Variants in KRT86 observed in about 807,000 individuals in gnomAD.
KRT86 encodes keratin, type II cuticular Hb6.
In KRT86, 30 loss-of-function variants were observed where a neutral mutation model predicts 41.2. That is an observed-to-expected ratio of 0.73 (90% CI 0.54 to 0.99). KRT86 has a LOEUF of 0.99. Ranked by LOEUF, KRT86 falls within the 50% of genes least tolerant of loss-of-function variation. The probability of loss-of-function intolerance (pLI) is 0.00; values close to 1 mark genes in which losing one functional copy is unlikely to be tolerated. For synonymous variants in KRT86, 238 were observed against 238.1 expected (o/e 1.00, Z 0.00); for missense variants, 561 against 571.4 (o/e 0.98, Z 0.19).
chr12:52,280,063 TG>T (rs1937737028), intron 2 of KRT86, among the ~76,000 whole-genome samples: 3 of 152,098 alleles, frequency 2.0e-5, no homozygotes, highest in Admixed American at 1.3e-4. Context: ...CCCTTGCAGA[TG>T]GGGGCTGGAG....
intron 5 of KRT86, among the ~76,000 whole-genome samples, chr12:52,304,729 G>A (rs376704495): frequency 3.3e-5 from 5 of 151,936 alleles, no homozygotes; most frequent in South Asian, 2.1e-4. Flanking sequence ...CTGGTGAGCC[G>A]TGCCCAAGAC....
intron 2 of KRT86, among the ~76,000 whole-genome samples, chr12:52,295,739 T>C (rs559475725): frequency 3.9e-5 from 6 of 152,340 alleles, no homozygotes; most frequent in South Asian, 4.1e-4. Flanking sequence ...TGTCACATAG[T>C]AGGTGCTCAA....
chr12:52,286,501 C>T (rs572305707), intron 2 of KRT86: 66 of 1,551,834 alleles, frequency 4.3e-5, no homozygotes, highest in Non-Finnish European at 5.4e-5. Flanking sequence ...CACCTGTGAA[C>T]CCCGAAGGCT....
intron 2 of KRT86, among the ~76,000 whole-genome samples, chr12:52,292,543 A>T (rs893046263): frequency 6.6e-6 from 1 of 152,264 alleles, no homozygotes; most frequent in Non-Finnish European, 1.5e-5. Context: ...TTAAGTTAGT[A>T]AAAACTAAAT....
In KRT86 at chr12:52,302,023, C is replaced by T; in HGVS notation, c.107C>T (p.Ser36Phe). 1.2e-6 allele frequency: 2 copies of T among 1,611,346 alleles called. No homozygotes were observed. Among genetic ancestry groups the T allele is most frequent in the South Asian group, 2.2e-5 (2 of 90,960 alleles). Residue 36 changes from serine to phenylalanine, a missense_variant, in exon 3 of 11, where the codon TCC becomes TTC. By Grantham distance (155) the Ser-to-Phe change is radical. This residue lies in a region of KRT86 where 164 missense variants were observed against 172.5 expected (regional missense o/e 0.95). Coordinates refer to ENST00000423955, the MANE Select transcript of KRT86 (RefSeq NM_001320198.2). ...ACCGCCGCCCCCTACCGTGGCATCT[C>T]CTGCTACCGCGGCCTCACCGGGGGC... Reference protein sequence around the residue: ...CITAAPYRGISCYRGLTGGFG... With the variant: ...CITAAPYRGIFCYRGLTGGFG...
At chr12:52,281,107 G>C (rs1428904422) in intron 2 of KRT86, among the ~76,000 whole-genome samples, 1 of 152,194 alleles carries the variant, frequency 6.6e-6, no homozygotes, top group African/African-American at 2.4e-5. Context: ...GGCTCCCCTG[G>C]CCATGGGCCA....
At chr12:52,295,709 G>A (rs574295747) in intron 2 of KRT86, among the ~76,000 whole-genome samples, 10 of 152,284 alleles carry the variant, frequency 6.6e-5, no homozygotes, top group South Asian at 4.2e-4. Flanking sequence ...TGTTTTCTTC[G>A]TGGATATATT....
intron 7 of KRT86, 35 bp downstream of exon 7, chr12:52,305,439 G>T (rs1938487207): frequency 3.7e-6 from 6 of 1,614,158 alleles, no homozygotes; most frequent in Non-Finnish European, 4.2e-6. Context: ...GCTAGACATG[G>T]CAGTGGGAGG....
At chr12:52,286,470 C>A (rs768915549) in intron 2 of KRT86, 2 of 1,552,420 alleles carry the variant, frequency 1.3e-6, no homozygotes, top group Non-Finnish European at 8.7e-7. Flanking sequence ...CCGCACACGA[C>A]CCCGCCCCGG....
intron 7 of KRT86, 113 bp downstream of exon 7, chr12:52,305,517 G>T: frequency 6.3e-7 from 1 of 1,599,324 alleles, no homozygotes; most frequent in Admixed American, 1.7e-5. Context: ...AGAGATGGCT[G>T]CCACTCTGAT....
At chr12:52,288,464 G>A (rs767675428) in intron 2 of KRT86, 1 of 1,614,066 alleles carries the variant, frequency 6.2e-7, no homozygotes, top group Admixed American at 1.7e-5. Context: ...ATCCTGGAAA[G>A]GTGGGGAGTG....
Position 52,308,203 on chromosome 12 carries a change from G to A in KRT86, c.1248-30G>A, listed in dbSNP as rs753234064. 6 of 1,614,068 alleles carry A rather than the reference G, an allele frequency of 3.7e-6. No individual in the cohort carries two copies. In the Admixed American group the frequency reaches 1.0e-4, roughly 27 times the overall value. On this transcript the variant is annotated intron_variant, in intron 9 of 10. Transcript: ENST00000423955. ...ACGGGGGCCCGGCGCCTTTTCCGCG[G>A]CACTGACCTCTCGCCTTCTCTCCCT... is the stretch of plus-strand genomic sequence containing the variant.
At chr12:52,297,990 G>C (rs942343055) in intron 2 of KRT86, among the ~76,000 whole-genome samples, 1 of 152,238 alleles carries the variant, frequency 6.6e-6, no homozygotes, top group Non-Finnish European at 1.5e-5. Context: ...AGATGAGTGA[G>C]TGTGCCATCA....
intron 2 of KRT86, among the ~76,000 whole-genome samples, chr12:52,278,252 C>T (rs560308992): frequency 6.6e-6 from 1 of 152,272 alleles, no homozygotes; most frequent in Admixed American, 6.5e-5. Flanking sequence ...AAAACCCTGG[C>T]AGGGAGGTCC....
In KRT86 at chr12:52,293,024, C is replaced by T. The variant is rs533632588; in HGVS notation, c.-4-8889C>T. ...CAAAAATTAGCCCGTTATGGTGGCA[C>T]GTGCCTGTATTCCCAGCTACATGGG... On this transcript the variant is annotated intron_variant, in intron 2 of 10. Coordinates refer to ENST00000423955, the MANE Select transcript of KRT86 (RefSeq NM_001320198.2). 1.3e-5 allele frequency among the ~76,000 whole-genome samples: 2 copies of T among 152,238 alleles called. 1 individual carries two copies. Among genetic ancestry groups the T allele is most frequent in the African/African-American group, 4.8e-5 (2 of 41,522 alleles).
At chr12:52,291,472 C>A in intron 2 of KRT86, 1 of 1,612,650 alleles carries the variant, frequency 6.2e-7, no homozygotes, top group Non-Finnish European at 8.5e-7. Flanking sequence ...TCATGATCCT[C>A]CTGGACGTTT....
chr12:52,285,492 GTTGCCTC>G (rs1387191046), intron 2 of KRT86, among the ~76,000 whole-genome samples: 2 of 152,228 alleles, frequency 1.3e-5, no homozygotes, highest in Non-Finnish European at 1.5e-5. Context: ...AATGGGTGAT[GTTGCCTC>G]AAGCTTTGAG....
intron 2 of KRT86, among the ~76,000 whole-genome samples, chr12:52,285,703 C>T (rs561960634): frequency 1.3e-5 from 2 of 152,304 alleles, no homozygotes; most frequent in South Asian, 4.2e-4. Flanking sequence ...TCTTCATCTG[C>T]AAGGTGTATC....
At chr12:52,297,196 C>A (rs1311499497) in intron 2 of KRT86, among the ~76,000 whole-genome samples, 2 of 152,240 alleles carry the variant, frequency 1.3e-5, no homozygotes, top group African/African-American at 4.8e-5. Context: ...CCTTTCCCAT[C>A]AGACTAGCTG....
Sources: gnomAD v4.1 joint callset for allele counts (sites outside exome capture counted in the v4.1 genomes callset) on GRCh38, gnomAD v4.1.1 for gene constraint, gnomAD v4.1.1 regional missense constraint, MANE v1.5 for transcripts, NCBI Gene and HGNC (gene_info 2026-07-23, HGNC 2026-07-21) for gene names.